Variants in GALNT17 observed in about 807,000 individuals in gnomAD.
GALNT17 encodes the protein polypeptide N-acetylgalactosaminyltransferase 17, also known as UDP-GalNAc:polypeptide N-acetylgalactosaminyltransferase-like 3.
In GALNT17, 29 loss-of-function variants were observed where a neutral mutation model predicts 63.7. The observed-to-expected ratio is 0.46, with a 90% CI of 0.34 to 0.62. GALNT17 has a LOEUF of 0.62. Ranked by LOEUF, GALNT17 falls within the 20% of genes least tolerant of loss-of-function variation. GALNT17 has a pLI of 0.01. For synonymous variants in GALNT17, 305 were observed against 318.3 expected, an observed-to-expected ratio of 0.96 and a Z score of 0.45; for missense variants, 603 against 799.6, an observed-to-expected ratio of 0.75 and a Z score of 2.97.
Position 71,396,019 on chromosome 7 carries a change from A to G in GALNT17, c.589+7618A>G, listed in dbSNP as rs182099761. Among the ~76,000 whole-genome samples, 46 of 152,194 alleles carry G rather than the reference A, an allele frequency of 3.0e-4. 4 individuals are homozygous for G. The highest frequency in any genetic ancestry group is 2.9e-3 in the East Asian group (15 of 5,190). On this transcript the variant is annotated intron_variant, in intron 3 of 10. Transcript: ENST00000333538. ...ATCTTTATCAAATATTCTGCAACCAATTTTTGCAAATATGCTTGCAAATAT... is the reference window on the plus strand; with the variant it reads ...ATCTTTATCAAATATTCTGCAACCAGTTTTTGCAAATATGCTTGCAAATAT...
chr7:71,358,853 A>C (rs2116219523), intron 2 of GALNT17, among the ~76,000 whole-genome samples: 1 of 151,474 alleles, frequency 6.6e-6, no homozygotes, highest in Middle Eastern at 3.4e-3. Flanking sequence ...GGCTCACTGC[A>C]ACCTCTGTGT....
intron 6 of GALNT17, among the ~76,000 whole-genome samples, chr7:71,610,048 T>C (rs1184474435): frequency 1.3e-5 from 2 of 152,150 alleles, no homozygotes; most frequent in Non-Finnish European, 2.9e-5. Flanking sequence ...TCACAAAAAT[T>C]GATCTACTAA....
intron 9 of GALNT17, among the ~76,000 whole-genome samples, chr7:71,688,493 C>G (rs553055153): frequency 6.6e-6 from 1 of 152,208 alleles, no homozygotes; most frequent in African/African-American, 2.4e-5. Flanking sequence ...CTGCCATCTG[C>G]TTTGCTTCTC....
At chr7:71,669,927 G>C (rs1791042918) in intron 7 of GALNT17, 45 bp from the exon 8 acceptor site, 2 of 1,609,240 alleles carry the variant, frequency 1.2e-6, no homozygotes, top group African/African-American at 2.7e-5. Context: ...ACTCTGGCCA[G>C]AGCTCCACAG....
intron 6 of GALNT17, among the ~76,000 whole-genome samples, chr7:71,658,327 A>T (rs1027105940): frequency 7.2e-5 from 11 of 152,240 alleles, no homozygotes; most frequent in African/African-American, 2.7e-4. Context: ...ATCCCCATTG[A>T]CATTCATCTC....
intron 1 of GALNT17, among the ~76,000 whole-genome samples, chr7:71,167,157 G>A (rs926410010): frequency 6.6e-6 from 1 of 151,228 alleles, no homozygotes; most frequent in African/African-American, 2.4e-5. Flanking sequence ...AAAGTGCTGG[G>A]ATTACAGACA....
intron 6 of GALNT17, among the ~76,000 whole-genome samples, chr7:71,578,663 T>C (rs1789578885): frequency 6.6e-6 from 1 of 152,142 alleles, no homozygotes; most frequent in Admixed American, 6.6e-5. Flanking sequence ...TTATGAGCCA[T>C]CTGGAATAGC....
At chr7:71,280,662 C>T (rs1416236309) in intron 1 of GALNT17, among the ~76,000 whole-genome samples, 1 of 152,168 alleles carries the variant, frequency 6.6e-6, no homozygotes, top group African/African-American at 2.4e-5. Context: ...ACTCTGCCCT[C>T]CAGTCTGTCC....
At chr7:71,699,139 G>GCCAGCCTAGGCAACAGAGCAAGACT (rs1248065552) in intron 9 of GALNT17, among the ~76,000 whole-genome samples, 1 of 115,384 alleles carries the variant, frequency 8.7e-6, no homozygotes, top group East Asian at 3.2e-4. Flanking sequence ...GCCACTGCAC[G>GCCAGCCTAGGCAACAGAGCAAGACT]CCAGCCTAGG....
chr7:71,484,962 C>CTTT lies in GALNT17; in HGVS notation c.962+63881_962+63883dup, dbSNP rs779772231. Among the ~76,000 whole-genome samples the CTTT allele has an allele frequency of 2.9e-4, 14 of 47,592 alleles. 1 individual carries two copies. Among genetic ancestry groups the CTTT allele is most frequent in the South Asian group, 1.1e-3 (1 of 950 alleles). The allele number at this position is 47,592 out of a possible 152,430, so 31.2% of individuals were successfully genotyped here. ...TACAGGCATGGGCCACCACACCTGG[C>CTTT]TTTTTTTTTTTTTTTTTTTTTTTTT... is the stretch of plus-strand genomic sequence containing the variant. On this transcript the variant is annotated intron_variant, in intron 5 of 10. Coordinates refer to ENST00000333538, the MANE Select transcript of GALNT17 (RefSeq NM_022479.3).
intron 5 of GALNT17, among the ~76,000 whole-genome samples, chr7:71,466,042 G>A (rs1283310815): frequency 2.0e-5 from 3 of 152,184 alleles, no homozygotes; most frequent in Admixed American, 6.5e-5. Context: ...CTGGCTGCAT[G>A]AATGGAGATT....
intron 1 of GALNT17, among the ~76,000 whole-genome samples, chr7:71,286,267 A>G (rs1181160330): frequency 1.3e-5 from 2 of 152,214 alleles, no homozygotes; most frequent in Non-Finnish European, 2.9e-5. Flanking sequence ...CACGTTGATT[A>G]CTTCTGGAAG....
At chr7:71,606,112 GTAT>G (rs1410852201) in intron 6 of GALNT17, among the ~76,000 whole-genome samples, 1 of 86,788 alleles carries the variant, frequency 1.2e-5, no homozygotes, top group East Asian at 4.0e-4. Flanking sequence ...GCTAATTTTT[GTAT>G]TTTTTTTTTT....
chr7:71,416,359 C>T (rs1793526561), intron 4 of GALNT17, among the ~76,000 whole-genome samples: 1 of 152,180 alleles, frequency 6.6e-6, no homozygotes, highest in African/African-American at 2.4e-5. Flanking sequence ...CGCCTGTAAT[C>T]CCTACACTTT....
intron 9 of GALNT17, among the ~76,000 whole-genome samples, chr7:71,677,812 G>T (rs1401793274): frequency 1.3e-5 from 2 of 152,162 alleles, no homozygotes. Context: ...ACCGTGCCCG[G>T]CCAAGGCTCA....
intron 1 of GALNT17, among the ~76,000 whole-genome samples, chr7:71,228,002 C>CTATG: frequency 6.6e-6 from 1 of 152,142 alleles, no homozygotes; most frequent in Non-Finnish European, 1.5e-5. Context: ...GTAATTCAGC[C>CTATG]CGATAGAGGA....
At chr7:71,538,378 C>T (rs1053842911) in intron 5 of GALNT17, among the ~76,000 whole-genome samples, 17 of 152,036 alleles carry the variant, frequency 1.1e-4, no homozygotes, top group Admixed American at 4.6e-4. Flanking sequence ...GGCACGTGGA[C>T]GCAACATCAC....
chr7:71,352,753 G>A (rs1792212641), intron 2 of GALNT17, among the ~76,000 whole-genome samples: 1 of 152,110 alleles, frequency 6.6e-6, no homozygotes. Flanking sequence ...CCAAAATTTA[G>A]AACGTGGGTA....
chr7:71,585,630 T>C (rs545401658), intron 6 of GALNT17, among the ~76,000 whole-genome samples: 8 of 150,284 alleles, frequency 5.3e-5, no homozygotes, highest in Admixed American at 5.3e-4. Context: ...GACTCAAGGG[T>C]TTTTTTTTAA....
Sources: gnomAD v4.1 joint callset for allele counts (sites outside exome capture counted in the v4.1 genomes callset) on GRCh38, gnomAD v4.1.1 for gene constraint, MANE v1.5 for transcripts, NCBI Gene and HGNC (gene_info 2026-07-23, HGNC 2026-07-21) for gene names.